DNM1L: variants seen among roughly 807,000 people sequenced by gnomAD.
DNM1L encodes the protein dynamin 1L, also known as dynamin-1-like protein.
DNM1L carries 33 observed loss-of-function variants against 92.8 expected under a neutral mutation model. That is an observed-to-expected ratio of 0.36 (90% CI 0.27 to 0.48). The LOEUF (loss-of-function observed/expected upper bound fraction) is 0.48. Among genes scored for constraint, DNM1L ranks in the 20% least tolerant of loss-of-function variants. DNM1L has a pLI of 0.99. For missense variants in DNM1L, 485 were observed against 888.8 expected (o/e 0.55, Z 5.78); for synonymous variants, 284 against 305.0 (o/e 0.93, Z 0.72).
chr12:32,703,017 C>G (rs1210841523), intron 2 of DNM1L, among the ~76,000 whole-genome samples: 1 of 151,456 alleles, frequency 6.6e-6, no homozygotes, highest in Non-Finnish European at 1.5e-5. Flanking sequence ...GAAACTAAGA[C>G]CTTAAGACAC....
intron 16 of DNM1L, chr12:32,739,799 G>A (rs1054528848): frequency 2.2e-5 from 9 of 418,498 alleles, no homozygotes; most frequent in South Asian, 1.6e-4. Flanking sequence ...AAAAGTTAGC[G>A]AATGATAAAG....
chr12:32,727,603 A>G (rs1436763607), intron 9 of DNM1L: 2 of 475,438 alleles, frequency 4.2e-6, no homozygotes, highest in Admixed American at 3.5e-5. Context: ...GCATTTTTGT[A>G]TGCATCTACA....
At chr12:32,687,084 T>TCAAAAAGA (rs1462373883) in intron 1 of DNM1L, among the ~76,000 whole-genome samples, 1 of 151,952 alleles carries the variant, frequency 6.6e-6, no homozygotes, top group East Asian at 1.9e-4. Context: ...CCCGGCCTTG[T>TCAAAAAGA]CTTTTTGCTT....
At position 32,740,525 on chromosome 12, in the gene DNM1L, A is replaced by G; in HGVS notation, c.1994+7A>G. On this transcript the variant is annotated splice_region_variant and intron_variant, in intron 18 of 19. Coordinates refer to ENST00000549701, the MANE Select transcript of DNM1L (RefSeq NM_012062.5). ...GAAAGAATATTCAAGACAGGTTAGT[A>G]TTACTTAATATAAATGACGGACTTT... is the stretch of plus-strand genomic sequence containing the variant. The G allele has an allele frequency of 1.3e-6, 2 of 1,596,772 alleles. No individual in the cohort carries two copies. Among genetic ancestry groups the G allele is most frequent in the Non-Finnish European group, 1.7e-6 (2 of 1,165,554 alleles).
intron 9 of DNM1L, chr12:32,728,797 C>T (rs1003172167): frequency 6.6e-6 from 1 of 152,034 alleles, no homozygotes; most frequent in African/African-American, 2.4e-5. Flanking sequence ...ACTGTAGATA[C>T]GAAGTTTTTT....
At chr12:32,730,281 T>A (rs947256339) in intron 9 of DNM1L, among the ~76,000 whole-genome samples, 1 of 152,226 alleles carries the variant, frequency 6.6e-6, no homozygotes, top group Non-Finnish European at 1.5e-5. Context: ...GGAGAATCGC[T>A]TGAACCCAGG....
At chr12:32,707,264 T>G in intron 2 of DNM1L, 103 bp from the exon 3 acceptor site, 2 of 888,728 alleles carry the variant, frequency 2.3e-6, no homozygotes, top group Non-Finnish European at 3.5e-6. Flanking sequence ...ATGGCAAAAT[T>G]AAATACAAGT....
intron 6 of DNM1L, among the ~76,000 whole-genome samples, chr12:32,717,342 TATATATTATATATA>T (rs1953466989): frequency 1.5e-5 from 1 of 66,076 alleles, no homozygotes; most frequent in African/African-American, 7.5e-5. Context: ...TTATATATAC[TATATATTATATATA>T]GTATATATAA....
intron 1 of DNM1L, among the ~76,000 whole-genome samples, chr12:32,683,969 C>T (rs115132778): frequency 0.012 from 1,901 of 152,246 alleles, 38 homozygotes; most frequent in African/African-American, 0.035. Flanking sequence ...CCACCATGCC[C>T]GGCCAGTAAT....
chr12:32,743,265 C>T (rs942977554), intron 19 of DNM1L, 89 bp from the exon 20 acceptor site: 1 of 1,158,426 alleles, frequency 8.6e-7, no homozygotes, highest in South Asian at 1.3e-5. Flanking sequence ...AAACCTACCA[C>T]ATATATATTG....
At chr12:32,741,408 C>T (rs1955281618) in intron 18 of DNM1L, among the ~76,000 whole-genome samples, 1 of 152,192 alleles carries the variant, frequency 6.6e-6, no homozygotes, top group Non-Finnish European at 1.5e-5. Context: ...GCCTCAGCCT[C>T]CTGAGTAGCT....
intron 1 of DNM1L, chr12:32,679,807 C>G (rs1951736190): frequency 9.8e-7 from 1 of 1,023,156 alleles, no homozygotes; most frequent in Non-Finnish European, 1.2e-6. Context: ...GTCCGCGTGC[C>G]GCTGCCTCCA....
At chr12:32,719,308 A>G (rs1389637849) in intron 7 of DNM1L, among the ~76,000 whole-genome samples, 4 of 152,186 alleles carry the variant, frequency 2.6e-5, no homozygotes, top group African/African-American at 9.7e-5. Flanking sequence ...AATGGAAGAA[A>G]TGTTGTAATA....
chr12:32,703,132 A>G (rs1952781490), intron 2 of DNM1L, among the ~76,000 whole-genome samples: 1 of 149,814 alleles, frequency 6.7e-6, no homozygotes, highest in African/African-American at 2.5e-5. Context: ...CTCAGAAACT[A>G]TTTGAATTGT....
chr12:32,686,462 AC>A (rs763664929), intron 1 of DNM1L, among the ~76,000 whole-genome samples: 309 of 152,034 alleles, frequency 2.0e-3, no homozygotes, highest in Non-Finnish European at 3.0e-3. Flanking sequence ...TTGAGCTGTC[AC>A]TCCCTCTTCT....
intron 1 of DNM1L, among the ~76,000 whole-genome samples, chr12:32,693,358 A>T (rs1388356156): frequency 6.6e-6 from 1 of 152,096 alleles, no homozygotes; most frequent in Admixed American, 6.5e-5. Flanking sequence ...TGTGGGAGTT[A>T]TTTATACATT....
chr12:32,737,849 G>T lies in DNM1L; in HGVS notation c.1597-16G>T, dbSNP rs748236508. The T allele has an allele frequency of 4.3e-6, 7 of 1,612,618 alleles. No individual in the cohort carries two copies. The Admixed American group carries it at 1.0e-4, about 23-fold the overall frequency. ...CATCCTTGATTTTTTTTCCCCCCTG[G>T]ATTTTTTGCCTTTAGTCTTCTAAAG... On this transcript the variant is annotated splice_polypyrimidine_tract_variant and intron_variant, in intron 14 of 19. Coordinates refer to ENST00000549701, the MANE Select transcript of DNM1L (RefSeq NM_012062.5).
rs59906286 is a variant in DNM1L, at chr12:32,712,649, C to CAAAAA, written c.457-535_457-531dup. 1.0e-3 allele frequency among the ~76,000 whole-genome samples: 31 copies of CAAAAA among 29,772 alleles called. 1 individual carries two copies. Among genetic ancestry groups the CAAAAA allele is most frequent in the South Asian group, 1.7e-3 (1 of 596 alleles). The allele number at this position is 29,772 out of a possible 152,430, so 19.5% of individuals were successfully genotyped here. Reference sequence around the variant, plus strand: ...TATGTGATAGAGTGAGACCCTGTCTCAAAAAAAAAAAAAAAAAAAAAAAAA... The same window carrying CAAAAA: ...TATGTGATAGAGTGAGACCCTGTCTCAAAAAAAAAAAAAAAAAAAAAAAAAAAAAA... On this transcript the variant is annotated intron_variant, in intron 5 of 19. Transcript: ENST00000549701.
chr12:32,742,337 C>G (rs1352884800), intron 18 of DNM1L, among the ~76,000 whole-genome samples: 3 of 152,210 alleles, frequency 2.0e-5, no homozygotes, highest in Non-Finnish European at 1.5e-5. Context: ...CTCCTGGCCT[C>G]AAGCAGTCCA....
Sources: gnomAD v4.1 joint callset for allele counts (sites outside exome capture counted in the v4.1 genomes callset) on GRCh38, gnomAD v4.1.1 for gene constraint, MANE v1.5 for transcripts, NCBI Gene and HGNC (gene_info 2026-07-23, HGNC 2026-07-21) for gene names.